The following ERC1 variants were observed in gnomAD, a reference collection of about 807,000 sequenced individuals.
ERC1 encodes ELKS/RAB6-interacting/CAST family member 1, also known as RAB6 interacting protein 2.
ERC1 carries 56 observed loss-of-function variants against 132.0 expected under a neutral mutation model. The observed-to-expected ratio is 0.42, with a 90% confidence interval of 0.34 to 0.53. ERC1 has a LOEUF of 0.53. ERC1 is among the 20% of genes least tolerant of loss of function. ERC1 has a pLI of 0.03. For missense variants in ERC1, 1,202 were observed against 1,349.9 expected, an observed-to-expected ratio of 0.89 and a Z score of 1.72; for synonymous variants, 478 against 476.1, an observed-to-expected ratio of 1.00 and a Z score of -0.05.
chr12:1,459,319 A>G (rs1019319620), intron 18 of ERC1, among the ~76,000 whole-genome samples: 1 of 152,210 alleles, frequency 6.6e-6, no homozygotes, highest in Non-Finnish European at 1.5e-5. Context: ...GGCTATATAT[A>G]TGAAAGGATG....
chr12:1,123,716 CG>C lies in ERC1; in HGVS notation c.1569+7686del, dbSNP rs1461438775. Reference sequence around the variant, plus strand: ...TGGCATTTAAATACATAAAGCGGGCCGGGCGCGGCAGCCCACGCCTGTAATC... The same window carrying C: ...TGGCATTTAAATACATAAAGCGGGCCGGCGCGGCAGCCCACGCCTGTAATC... On this transcript the variant is annotated intron_variant, in intron 7 of 18. Coordinates refer to ENST00000360905, the MANE Select transcript of ERC1 (RefSeq NM_178040.4). 2.0e-5 allele frequency among the ~76,000 whole-genome samples: 3 copies of C among 152,300 alleles called. No homozygotes were observed. In the South Asian group the frequency reaches 6.2e-4, roughly 32 times the overall value.
At chr12:1,004,430 G>A (rs1333098892) in intron 1 of ERC1, among the ~76,000 whole-genome samples, 2 of 119,822 alleles carry the variant, frequency 1.7e-5, no homozygotes, top group South Asian at 5.1e-4. Flanking sequence ...TTTTTGAGAC[G>A]GAGTCTTGCC....
At chr12:1,463,709 G>GTGTGTGTGTGTGTGTGTGTGTT (rs2093686554) in intron 18 of ERC1, among the ~76,000 whole-genome samples, 1 of 151,426 alleles carries the variant, frequency 6.6e-6, no homozygotes, top group African/African-American at 2.4e-5. Flanking sequence ...GTGTGTGTGT[G>GTGTGTGTGTGTGTGTGTGTGTT]TGTGTGTGTG....
chr12:1,247,407 C>T (rs2076220470), intron 13 of ERC1, among the ~76,000 whole-genome samples: 1 of 152,098 alleles, frequency 6.6e-6, no homozygotes, highest in Non-Finnish European at 1.5e-5. Context: ...TTACAGGAGC[C>T]TGTATAAGGA....
intron 15 of ERC1, among the ~76,000 whole-genome samples, chr12:1,323,237 A>T (rs1372378984): frequency 6.6e-6 from 1 of 151,846 alleles, no homozygotes; most frequent in Non-Finnish European, 1.5e-5. Flanking sequence ...GAGTTGAAGT[A>T]TGGTGCTTGC....
chr12:1,374,659 A>C (rs1162546115), intron 16 of ERC1, among the ~76,000 whole-genome samples: 1 of 152,188 alleles, frequency 6.6e-6, no homozygotes, highest in Non-Finnish European at 1.5e-5. Context: ...TAGTCACAGC[A>C]GTTGTCACAA....
At chr12:1,063,344 T>C (rs142299158) in intron 2 of ERC1, among the ~76,000 whole-genome samples, 1,791 of 151,978 alleles carry the variant, frequency 0.012, 38 homozygotes, top group African/African-American at 0.04. Context: ...CACTGCATCC[T>C]CCACCTCCTG....
At chr12:1,047,395 C>T (rs1434899965) in intron 2 of ERC1, among the ~76,000 whole-genome samples, 1 of 151,698 alleles carries the variant, frequency 6.6e-6, no homozygotes, top group East Asian at 1.9e-4. Context: ...ACCCCCCACC[C>T]CCCAAAAAAA....
chr12:1,237,894 A>G (rs923382730), intron 13 of ERC1, among the ~76,000 whole-genome samples: 1 of 152,232 alleles, frequency 6.6e-6, no homozygotes, highest in Non-Finnish European at 1.5e-5. Flanking sequence ...CCGCAATTAC[A>G]ATCTTTACTG....
At chr12:1,428,250 C>T (rs1311223202) in intron 17 of ERC1, among the ~76,000 whole-genome samples, 1 of 152,212 alleles carries the variant, frequency 6.6e-6, no homozygotes, top group Non-Finnish European at 1.5e-5. Context: ...GTTTCCCACA[C>T]AGTCATCTGA....
At chr12:1,382,629 C>A (rs2088816894) in intron 16 of ERC1, among the ~76,000 whole-genome samples, 1 of 152,156 alleles carries the variant, frequency 6.6e-6, no homozygotes, top group Admixed American at 6.5e-5. Context: ...GTGGATAGAT[C>A]AAATGATTTT....
At chr12:1,435,119 G>A (rs940266202) in intron 17 of ERC1, among the ~76,000 whole-genome samples, 1 of 152,158 alleles carries the variant, frequency 6.6e-6, no homozygotes, top group South Asian at 2.1e-4. Context: ...TAATCCATGG[G>A]ATCTATTCAT....
intron 1 of ERC1, among the ~76,000 whole-genome samples, chr12:1,016,639 T>TC (rs1333965434): frequency 2.0e-5 from 3 of 150,744 alleles, no homozygotes; most frequent in Non-Finnish European, 3.0e-5. Flanking sequence ...TCTTTTCTTT[T>TC]TTTTTTTTTT....
intron 2 of ERC1, among the ~76,000 whole-genome samples, chr12:1,061,672 GTC>G (rs1042241144): frequency 2.0e-5 from 3 of 151,620 alleles, no homozygotes; most frequent in African/African-American, 7.3e-5. Context: ...TTTTATATGT[GTC>G]TCTCTCTAAT....
At chr12:1,103,959 T>C (rs1160691222) in intron 3 of ERC1, among the ~76,000 whole-genome samples, 1 of 152,130 alleles carries the variant, frequency 6.6e-6, no homozygotes, top group Non-Finnish European at 1.5e-5. Flanking sequence ...CATCTCTGTA[T>C]TCCCTGGATT....
intron 8 of ERC1, among the ~76,000 whole-genome samples, chr12:1,156,796 A>AT (rs1374062585): frequency 6.6e-6 from 1 of 151,606 alleles, no homozygotes; most frequent in African/African-American, 2.4e-5. Context: ...CTCATTGAGC[A>AT]TTTTTTCATA....
chr12:1,253,662 G>GGGAA (rs2076602353), intron 13 of ERC1, among the ~76,000 whole-genome samples: 1 of 152,040 alleles, frequency 6.6e-6, no homozygotes, highest in Non-Finnish European at 1.5e-5. Flanking sequence ...GGCAACAAGA[G>GGGAA]GGAAACTGCA....
At chr12:1,055,898 A>C (rs759259674) in intron 2 of ERC1, among the ~76,000 whole-genome samples, 12 of 152,180 alleles carry the variant, frequency 7.9e-5, no homozygotes, top group African/African-American at 4.8e-5. Flanking sequence ...TAATCCCAGC[A>C]CTTTGGGAGG....
intron 13 of ERC1, among the ~76,000 whole-genome samples, chr12:1,250,530 T>G (rs1226432739): frequency 1.3e-5 from 2 of 152,224 alleles, no homozygotes; most frequent in Non-Finnish European, 2.9e-5. Context: ...TAATTATAGC[T>G]GTACTTATTG....
Sources: gnomAD v4.1 joint callset for allele counts (sites outside exome capture counted in the v4.1 genomes callset) on GRCh38, gnomAD v4.1.1 for gene constraint, MANE v1.5 for transcripts, NCBI Gene and HGNC (gene_info 2026-07-23, HGNC 2026-07-21) for gene names.